MAGEC3: variants seen among roughly 807,000 people sequenced by gnomAD.
The protein encoded by MAGEC3 is melanoma-associated antigen C3.
Under a neutral mutation model 35.3 loss-of-function variants are expected in MAGEC3, and 34 were observed. That is an observed-to-expected ratio of 0.96 (90% CI 0.73 to 1.28). The LOEUF (loss-of-function observed/expected upper bound fraction) is 1.28. MAGEC3 is among the 50% of genes most tolerant of loss of function. MAGEC3 has a pLI of 0.00. For synonymous variants in MAGEC3, 202 were observed against 185.6 expected (o/e 1.09, Z -0.72); for missense variants, 561 against 483.6 (o/e 1.16, Z -1.50).
chrX:141,868,224 A>T (rs1038643036), intron 2 of MAGEC3, among the ~76,000 whole-genome samples: 7 of 111,300 alleles, frequency 6.3e-5, no homozygotes, highest in Non-Finnish European at 1.3e-4. Flanking sequence ...ATTTTTTATG[A>T]TTTTCAGCTT....
chrX:141,877,367 A>G (rs1244627054), intron 2 of MAGEC3, among the ~76,000 whole-genome samples: 1 of 111,659 alleles, frequency 9.0e-6, no homozygotes, highest in Admixed American at 9.5e-5. Flanking sequence ...TTTTGGTACT[A>G]TAGGTTAAAA....
chrX:141,875,243 T>C lies in MAGEC3; in HGVS notation c.259-3932T>C, dbSNP rs186067159. Among the ~76,000 whole-genome samples the C allele has an allele frequency of 4.1e-3, 462 of 111,391 alleles. 6 individuals carry two copies. The highest frequency in any genetic ancestry group is 0.014 in the African/African-American group (436 of 30,664). ...TGGGGTAACAAATGCTGCTGTTGGA[T>C]TTGATAAAAATTGAGAGAAAGGGAG... On this transcript the variant is annotated intron_variant, in intron 2 of 7. Coordinates refer to ENST00000298296, the MANE Select transcript of MAGEC3 (RefSeq NM_138702.1).
At chrX:141,862,903 C>T (rs1216626573) in intron 1 of MAGEC3, among the ~76,000 whole-genome samples, 1 of 111,319 alleles carries the variant, frequency 9.0e-6, no homozygotes, top group South Asian at 3.8e-4. Context: ...ATTGTAGTAA[C>T]AGCAATGTAT....
chrX:141,879,487 T>C, intron 3 of MAGEC3, 56 bp downstream of exon 3: 1 of 1,097,066 alleles, frequency 9.1e-7, no homozygotes, highest in Non-Finnish European at 1.2e-6. Context: ...GGTGGAGGGA[T>C]ACCGAGAGGT....
At chrX:141,877,620 C>T (rs1389029732) in intron 2 of MAGEC3, among the ~76,000 whole-genome samples, 1 of 111,818 alleles carries the variant, frequency 8.9e-6, no homozygotes, top group Non-Finnish European at 1.9e-5. Flanking sequence ...ACACTGGCTA[C>T]TACCTCTAGT....
chrX:141,842,529 C>T (rs1380527724), intron 1 of MAGEC3, among the ~76,000 whole-genome samples: 1 of 111,735 alleles, frequency 8.9e-6, no homozygotes, highest in African/African-American at 3.2e-5. Context: ...GGTGTTGTCA[C>T]GTTTGTTCAA....
chrX:141,861,762 T>G (rs2017816623), intron 1 of MAGEC3, among the ~76,000 whole-genome samples: 1 of 111,656 alleles, frequency 9.0e-6, no homozygotes, highest in Admixed American at 9.5e-5. Context: ...TTTTACCATA[T>G]ACAAAAATCA....
At chrX:141,874,259 A>G (rs5954451) in intron 2 of MAGEC3, among the ~76,000 whole-genome samples, 3,322 of 112,032 alleles carry the variant, frequency 0.03, 132 homozygotes, top group African/African-American at 0.1. Flanking sequence ...TAAAAAACCT[A>G]TGAAACACAT....
chrX:141,870,895 A>G (rs2017883244), intron 2 of MAGEC3, among the ~76,000 whole-genome samples: 1 of 112,353 alleles, frequency 8.9e-6, no homozygotes, highest in Non-Finnish European at 1.9e-5. Context: ...TACAACCTTG[A>G]AACATTTAGC....
chrX:141,884,031 G>A (rs1036883354), intron 4 of MAGEC3, among the ~76,000 whole-genome samples: 7 of 113,179 alleles, frequency 6.2e-5, no homozygotes, highest in Non-Finnish European at 9.4e-5. Flanking sequence ...GATATTTACC[G>A]TATACCAAAA....
intron 4 of MAGEC3, among the ~76,000 whole-genome samples, chrX:141,889,456 A>G (rs762098835): frequency 9.0e-6 from 1 of 111,579 alleles, no homozygotes; most frequent in East Asian, 2.8e-4. Context: ...AGACACAACA[A>G]TGATTCCATT....
At chrX:141,876,050 C>T (rs897556182) in intron 2 of MAGEC3, among the ~76,000 whole-genome samples, 2 of 112,234 alleles carry the variant, frequency 1.8e-5, no homozygotes, top group African/African-American at 6.5e-5. Flanking sequence ...TCTCAGGGTT[C>T]CTGAATCCTG....
In MAGEC3 at chrX:141,897,674, C is replaced by A; in HGVS notation, c.1774C>A (p.Leu592Ile). 8.3e-7 allele frequency: 1 copy of A among 1,211,194 alleles called. No homozygotes were observed. Residue 592 changes from leucine (L) to isoleucine (I), a missense_variant, in exon 8 of 8, where the codon CTA becomes ATA. By Grantham distance (5) the Leu-to-Ile change is conservative. Transcript: ENST00000298296. ...AREVLEFLSK[L>I]SSIIPSAFPS... ...AGAAGTCTTAGAGTTTTTATCCAAG[C>A]TATCCAGTATCATCCCTAGTGCCTT...
intron 1 of MAGEC3, among the ~76,000 whole-genome samples, chrX:141,852,305 C>T (rs944614824): frequency 9.1e-6 from 1 of 110,397 alleles, no homozygotes; most frequent in African/African-American, 3.3e-5. Context: ...TTGCTGAGCT[C>T]ATTTATTATA....
chrX:141,883,657 G>A (rs1301882002), intron 4 of MAGEC3, among the ~76,000 whole-genome samples: 1 of 112,413 alleles, frequency 8.9e-6, no homozygotes, highest in African/African-American at 3.2e-5. Context: ...TTTGAAGCAG[G>A]CCACTGAAGA....
At chrX:141,895,127 C>G (rs2018076724) in intron 4 of MAGEC3, 142 bp from the exon 5 acceptor site, 1 of 563,328 alleles carries the variant, frequency 1.8e-6, no homozygotes, top group East Asian at 3.6e-5. Flanking sequence ...GAGGTGGGCA[C>G]AAAGGGGTCG....
At chrX:141,883,966 A>AC (rs2017984553) in intron 4 of MAGEC3, among the ~76,000 whole-genome samples, 1 of 113,400 alleles carries the variant, frequency 8.8e-6, no homozygotes, top group South Asian at 3.6e-4. Context: ...AGGCACATGT[A>AC]CAGCTGTTCA....
intron 1 of MAGEC3, chrX:141,839,912 C>T (rs936187180): frequency 5.4e-6 from 3 of 557,984 alleles, no homozygotes; most frequent in African/African-American, 2.5e-5. Context: ...GGACAAAGGA[C>T]GACCTCACAC....
chrX:141,879,562 G>A (rs2017946537), intron 3 of MAGEC3, 131 bp downstream of exon 3: 2 of 788,869 alleles, frequency 2.5e-6, no homozygotes, highest in East Asian at 3.6e-5. Flanking sequence ...CCCAGGAGAT[G>A]GGCAGGAAGG....
Sources: allele counts gnomAD v4.1 joint callset (sites outside exome capture counted in the v4.1 genomes callset), GRCh38; gene constraint gnomAD v4.1.1; transcripts MANE v1.5; gene names NCBI Gene and HGNC (gene_info 2026-07-23, HGNC 2026-07-21).